Variants in VPS8 observed in about 807,000 individuals in gnomAD.
The protein encoded by VPS8 is VPS8 subunit of CORVET complex.
In VPS8, 129 loss-of-function variants were observed where a neutral mutation model predicts 216.4. The observed-to-expected ratio is 0.60, with a 90% CI of 0.52 to 0.69. VPS8 has a LOEUF of 0.69. VPS8 is among the 30% of genes least tolerant of loss of function. VPS8 has a pLI of 0.00. For missense variants in VPS8, 1,531 were observed against 1,683.5 expected, an observed-to-expected ratio of 0.91 and a Z score of 1.59; for synonymous variants, 571 against 565.4, an observed-to-expected ratio of 1.01 and a Z score of -0.14.
At chr3:184,929,481 C>T in intron 32 of VPS8, 99 bp from the exon 33 acceptor site, 1 of 695,098 alleles carries the variant, frequency 1.4e-6, no homozygotes, top group Non-Finnish European at 2.5e-6. Context: ...TGAGCCAGGA[C>T]ACCTGGCCCA....
intron 21 of VPS8, among the ~76,000 whole-genome samples, chr3:184,884,866 C>T (rs1336350608): frequency 6.6e-6 from 1 of 152,162 alleles, no homozygotes; most frequent in African/African-American, 2.4e-5. Flanking sequence ...CCCTTACTAT[C>T]TTAGGAGCTC....
intron 19 of VPS8, among the ~76,000 whole-genome samples, 166 bp downstream of exon 19, chr3:184,869,202 T>C (rs959521572): frequency 6.6e-6 from 1 of 152,188 alleles, no homozygotes; most frequent in Non-Finnish European, 1.5e-5. Flanking sequence ...ATGTGACAAA[T>C]AATGTGACAA....
intron 44 of VPS8, among the ~76,000 whole-genome samples, chr3:184,998,441 C>A (rs1752909127): frequency 1.6e-5 from 1 of 64,000 alleles, no homozygotes; most frequent in African/African-American, 5.1e-5. Flanking sequence ...TCTAAAGGAG[C>A]AAAGGTAGCT....
chr3:184,953,334 A>C (rs1745038453), intron 36 of VPS8, among the ~76,000 whole-genome samples: 1 of 152,220 alleles, frequency 6.6e-6, no homozygotes, highest in African/African-American at 2.4e-5. Context: ...GGTTTTATAC[A>C]TTGATTTGGC....
At chr3:184,981,636 A>G (rs1309934959) in intron 40 of VPS8, among the ~76,000 whole-genome samples, 1 of 151,716 alleles carries the variant, frequency 6.6e-6, no homozygotes, top group Non-Finnish European at 1.5e-5. Context: ...GGGTTTCACC[A>G]TGTTGCCCAG....
intron 7 of VPS8, among the ~76,000 whole-genome samples, chr3:184,842,233 A>AACTCAAGT (rs1433434002): frequency 6.7e-6 from 1 of 150,266 alleles, no homozygotes; most frequent in African/African-American, 2.4e-5. Context: ...CTTATCATCA[A>AACTCAAGT]ACTCAAGTAT....
intron 45 of VPS8, among the ~76,000 whole-genome samples, chr3:185,019,545 G>A (rs552487628): frequency 2.6e-5 from 4 of 152,354 alleles, no homozygotes; most frequent in Middle Eastern, 3.4e-3. Context: ...CCGAAATAAA[G>A]GGATGGGTCT....
chr3:184,833,265 C>A (rs1265420803), intron 4 of VPS8, among the ~76,000 whole-genome samples: 1 of 152,066 alleles, frequency 6.6e-6, no homozygotes, highest in Non-Finnish European at 1.5e-5. Flanking sequence ...GACTTCTAAC[C>A]CTAAATAACT....
intron 22 of VPS8, among the ~76,000 whole-genome samples, chr3:184,891,446 C>A (rs1050274317): frequency 3.3e-5 from 5 of 152,022 alleles, no homozygotes; most frequent in African/African-American, 1.2e-4. Context: ...AAAGTAATGG[C>A]AAAAACTGCA....
At chr3:184,981,387 G>C (rs1750169701) in intron 40 of VPS8, among the ~76,000 whole-genome samples, 2 of 151,664 alleles carry the variant, frequency 1.3e-5, no homozygotes, top group South Asian at 4.2e-4. Flanking sequence ...CAGCAGAGGT[G>C]GGGTGGCAGC....
chr3:184,895,055 A>T (rs1429518966), intron 23 of VPS8, 130 bp downstream of exon 23: 1 of 729,696 alleles, frequency 1.4e-6, no homozygotes, highest in Admixed American at 2.9e-5. Flanking sequence ...TTTTTGTAAG[A>T]TGTATTATAA....
chr3:184,876,138 G>GT (rs1227517308), intron 21 of VPS8, among the ~76,000 whole-genome samples: 1 of 152,088 alleles, frequency 6.6e-6, no homozygotes, highest in African/African-American at 2.4e-5. Flanking sequence ...GAAATAGTCT[G>GT]TCCATTTTTG....
intron 36 of VPS8, among the ~76,000 whole-genome samples, chr3:184,949,978 C>T (rs759274803): frequency 6.6e-5 from 10 of 151,638 alleles, no homozygotes; most frequent in Admixed American, 4.0e-4. Context: ...GGCGTGATTT[C>T]GGCTCACTGC....
intron 16 of VPS8, among the ~76,000 whole-genome samples, chr3:184,863,341 T>C (rs1726723696): frequency 6.6e-6 from 1 of 152,166 alleles, no homozygotes; most frequent in South Asian, 2.1e-4. Context: ...AATAATGACG[T>C]ATAATGGAAA....
chr3:184,893,304 A>G, intron 22 of VPS8: 1 of 1,287,374 alleles, frequency 7.8e-7, no homozygotes, highest in Middle Eastern at 2.1e-4. Flanking sequence ...GGAACTTGTC[A>G]TGAAAGACCA....
chr3:184,999,150 C>G (rs570480688), intron 44 of VPS8, among the ~76,000 whole-genome samples: 1 of 152,154 alleles, frequency 6.6e-6, no homozygotes, highest in African/African-American at 2.4e-5. Flanking sequence ...CTCCGCCTCC[C>G]GGGTTGAAGC....
intron 21 of VPS8, among the ~76,000 whole-genome samples, chr3:184,876,242 C>T (rs1729252845): frequency 1.3e-5 from 2 of 152,200 alleles, no homozygotes; most frequent in South Asian, 2.1e-4. Context: ...CTTTACTTAA[C>T]CAAGAAATGT....
chr3:184,899,800 G>C (rs1421147595), intron 24 of VPS8, among the ~76,000 whole-genome samples: 2 of 152,128 alleles, frequency 1.3e-5, no homozygotes, highest in African/African-American at 4.8e-5. Flanking sequence ...ATTCTGCATT[G>C]ACAAGATGAT....
intron 45 of VPS8, among the ~76,000 whole-genome samples, chr3:185,016,523 A>T (rs911853948): frequency 6.6e-6 from 1 of 152,234 alleles, no homozygotes; most frequent in African/African-American, 2.4e-5. Context: ...AGCAGGCTGC[A>T]GGTTGTTTAC....
Sources: gnomAD v4.1 joint callset for allele counts (sites outside exome capture counted in the v4.1 genomes callset) on GRCh38, gnomAD v4.1.1 for gene constraint, MANE v1.5 for transcripts, NCBI Gene and HGNC (gene_info 2026-07-23, HGNC 2026-07-21) for gene names.